HDAC4: variants seen among roughly 807,000 people sequenced by gnomAD.
The protein encoded by HDAC4 is histone deacetylase 4, also known as histone deacetylase A.
Under a neutral mutation model 135.1 loss-of-function variants are expected in HDAC4, and 16 were observed. The observed-to-expected ratio is 0.12, with a 90% CI of 0.08 to 0.18. HDAC4 has a LOEUF of 0.18. HDAC4 is among the 10% of genes least tolerant of loss of function. The probability of loss-of-function intolerance (pLI) is 1.00; values close to 1 mark genes in which losing one functional copy is unlikely to be tolerated. For synonymous variants in HDAC4, 685 were observed against 653.4 expected, an observed-to-expected ratio of 1.05 and a Z score of -0.74; for missense variants, 1,143 against 1,511.8, an observed-to-expected ratio of 0.76 and a Z score of 4.05.
chr2:239,162,157 T>C, intron 6 of HDAC4: 1 of 456,818 alleles, frequency 2.2e-6, no homozygotes, highest in South Asian at 1.5e-5. Context: ...CAACTCCCGC[T>C]GCAGCCTCCC....
At chr2:239,330,136 C>T (rs1297654494) in intron 2 of HDAC4, among the ~76,000 whole-genome samples, 1 of 152,266 alleles carries the variant, frequency 6.6e-6, no homozygotes, top group Admixed American at 6.5e-5. Context: ...GCCACAGAGC[C>T]GATGGCCGGA....
intron 12 of HDAC4, among the ~76,000 whole-genome samples, chr2:239,117,332 C>A (rs572562512): frequency 9.2e-5 from 14 of 152,260 alleles, no homozygotes; most frequent in African/African-American, 3.4e-4. Flanking sequence ...GCCAGCCCCA[C>A]GTCTGGCTAA....
intron 13 of HDAC4, among the ~76,000 whole-genome samples, chr2:239,113,065 AAAAC>A (rs547634969): frequency 1.3e-5 from 2 of 152,298 alleles, no homozygotes; most frequent in African/African-American, 2.4e-5. Flanking sequence ...TCTCTCCAAA[AAAAC>A]AAACAAACAA....
chr2:239,103,867 C>T (rs1043556639), intron 15 of HDAC4, among the ~76,000 whole-genome samples: 3 of 152,260 alleles, frequency 2.0e-5, no homozygotes, highest in Admixed American at 6.5e-5. Context: ...GGGGTCCTGT[C>T]CATGCAGGGT....
At chr2:239,108,246 C>A in intron 14 of HDAC4, 63 bp from the exon 15 acceptor site, 1 of 1,550,598 alleles carries the variant, frequency 6.4e-7, no homozygotes, top group East Asian at 2.4e-5. Context: ...CACCCACTGG[C>A]AGGCTGCCCC....
At chr2:239,063,496 G>GC (rs1362277786) in intron 24 of HDAC4, among the ~76,000 whole-genome samples, 1 of 152,148 alleles carries the variant, frequency 6.6e-6, no homozygotes, top group Admixed American at 6.5e-5. Context: ...GAGCCACTGC[G>GC]CCCGGCCAGC....
chr2:239,124,396 T>C (rs1444164399), intron 12 of HDAC4, among the ~76,000 whole-genome samples: 1 of 152,246 alleles, frequency 6.6e-6, no homozygotes, highest in South Asian at 2.1e-4. Flanking sequence ...CATGAAATCA[T>C]ACCACACGCG....
chr2:239,391,315 C>T (rs183904495), intron 1 of HDAC4, among the ~76,000 whole-genome samples: 2 of 152,308 alleles, frequency 1.3e-5, no homozygotes, highest in East Asian at 1.9e-4. Flanking sequence ...CAAAGGCAGA[C>T]GAGAGCTTGT....
In HDAC4 at chr2:239,156,575, T is replaced by A. The variant is rs532544415; in HGVS notation, c.733+77A>T. On this transcript the variant is annotated intron_variant, in intron 7 of 26. Transcript: ENST00000543185. ...TCCTTCTCTAAGTGGAAGACAGCGG[T>A]GGGCCCTGCGTGGCTTGTGGCGTGG... is the stretch of plus-strand genomic sequence containing the variant. The A allele has an allele frequency of 1.9e-6, 3 of 1,578,090 alleles. No individual in the cohort carries two copies. The Admixed American group carries it at 5.0e-5, about 26-fold the overall frequency.
chr2:239,123,481 C>T (rs116337809), intron 12 of HDAC4, among the ~76,000 whole-genome samples: 2,277 of 152,300 alleles, frequency 0.015, 51 homozygotes, highest in African/African-American at 0.052. Flanking sequence ...TCTGGTCTGA[C>T]GTGGCTGCCA....
intron 12 of HDAC4, 124 bp downstream of exon 12, chr2:239,126,332 G>T: frequency 6.6e-7 from 1 of 1,516,512 alleles, no homozygotes; most frequent in Non-Finnish European, 9.0e-7. Flanking sequence ...GTGCCTCCTC[G>T]GTTCCCTCTT....
chr2:239,084,020 G>C (rs191792884), intron 20 of HDAC4, 135 bp downstream of exon 20: 33 of 716,484 alleles, frequency 4.6e-5, no homozygotes, highest in South Asian at 3.0e-5. Context: ...TTACTTCTCC[G>C]CATCTTTGAG....
At chr2:239,097,836 C>T (rs1357248264) in intron 16 of HDAC4, among the ~76,000 whole-genome samples, 3 of 152,146 alleles carry the variant, frequency 2.0e-5, no homozygotes, top group African/African-American at 4.8e-5. Flanking sequence ...CTTGGAAGGG[C>T]GGTCATGGCC....
rs1437787567 is a variant in HDAC4, at chr2:239,400,177, C to A, written c.-220+801G>T. Among the ~76,000 whole-genome samples the A allele has an allele frequency of 6.6e-6, 1 of 151,804 alleles. No individual in the cohort carries two copies. Among genetic ancestry groups the A allele is most frequent in the Non-Finnish European group, 1.5e-5 (1 of 67,870 alleles). Reference sequence around the variant, plus strand: ...CCTGCTGGCGCCCTGCGGGCTGAGCCGAGCGGGTCCCGGGCAGCCCCCCGC... The same window carrying A: ...CCTGCTGGCGCCCTGCGGGCTGAGCAGAGCGGGTCCCGGGCAGCCCCCCGC... On this transcript the variant is annotated intron_variant, in intron 1 of 26. Coordinates refer to ENST00000543185, the MANE Select transcript of HDAC4 (RefSeq NM_001378414.1). The surrounding 1 kb of genome is among the most constrained non-coding windows in gnomAD (Gnocchi z 4.7).
Position 239,311,109 on chromosome 2 carries a change from T to A in HDAC4, c.22+41569A>T, listed in dbSNP as rs543111689. The stretch of plus-strand genomic sequence containing the variant: ...AGCATTAACAGGCACCTAAAAGGCC[T>A]GTGAGCTTTTGTGGGGTCAAGCAGC... On this transcript the variant is annotated intron_variant, in intron 2 of 26. Coordinates refer to ENST00000543185, the MANE Select transcript of HDAC4 (RefSeq NM_001378414.1). Among the ~76,000 whole-genome samples the A allele has an allele frequency of 5.3e-5, 8 of 152,330 alleles. No individual in the cohort carries two copies. The South Asian group carries it at 1.0e-3, about 20-fold the overall frequency.
At chr2:239,198,476 T>C (rs552123596) in intron 3 of HDAC4, among the ~76,000 whole-genome samples, 73 of 152,034 alleles carry the variant, frequency 4.8e-4, no homozygotes, top group Non-Finnish European at 8.2e-4. Context: ...CCCTACTCAG[T>C]GTTTGCTGTG....
In HDAC4 at chr2:239,051,643, G is replaced by A. The variant is rs1459330204; in HGVS notation, c.*1454C>T. 2.0e-5 allele frequency: 3 copies of A among 152,548 alleles called. No individual in the cohort carries two copies. Among genetic ancestry groups the A allele is most frequent in the East Asian group, 1.9e-4 (1 of 5,200 alleles). 9.4% of individuals were successfully genotyped at this position (152,548 alleles called of 1,614,324 possible). On this transcript the variant is annotated 3_prime_UTR_variant, in exon 27 of 27. Coordinates refer to ENST00000543185, the MANE Select transcript of HDAC4 (RefSeq NM_001378414.1). ...TGCATGAAGGCTTGGAGACGGGAGC[G>A]GTTCTGTTAGAAAATAATTAAAATG...
chr2:239,297,582 T>TGAGAAC (rs1414146844), intron 2 of HDAC4, among the ~76,000 whole-genome samples: 108 of 152,250 alleles, frequency 7.1e-4, no homozygotes, highest in African/African-American at 2.6e-3. Flanking sequence ...AAGCAGGACA[T>TGAGAAC]GAGAACGCCT....
rs1463090152 is a variant in HDAC4 at position 239,146,456 on chromosome 2, A to C, written c.734-1742T>G. On this transcript the variant is annotated intron_variant, in intron 7 of 26. Transcript: ENST00000543185. This position sits in a 1 kb window ranked among gnomAD's most constrained non-coding sequence, Gnocchi z 4.5. ...GGTCTTCCTCAGTGGCTGCCCTGCC[A>C]CATAGAGTGGGACACGTGGCATCGG... is the stretch of plus-strand genomic sequence containing the variant. Among the ~76,000 whole-genome samples, 1 of 152,030 alleles carries C rather than the reference A, an allele frequency of 6.6e-6. No homozygotes were observed. The highest frequency in any genetic ancestry group is 1.5e-5 in the Non-Finnish European group (1 of 67,982).
Sources: allele counts gnomAD v4.1 joint callset (sites outside exome capture counted in the v4.1 genomes callset), GRCh38; gene constraint gnomAD v4.1.1; non-coding constraint Gnocchi (gnomAD v3.1); transcripts MANE v1.5; gene names NCBI Gene and HGNC (gene_info 2026-07-23, HGNC 2026-07-21).